Variants in EDNRB observed in about 807,000 individuals in gnomAD.
EDNRB encodes Hirschsprung disease 2.
In EDNRB, 18 loss-of-function variants were observed where a neutral mutation model predicts 46.4. The ratio of observed to expected loss-of-function variants is 0.39; its 90% CI spans 0.27 to 0.57. The LOEUF is 0.57. EDNRB is among the 20% of genes least tolerant of loss of function. The probability of loss-of-function intolerance (pLI) is 0.61; values close to 1 mark genes in which losing one functional copy is unlikely to be tolerated. For missense variants in EDNRB, 434 were observed against 537.5 expected (o/e 0.81, Z 1.90); for synonymous variants, 213 against 204.9 (o/e 1.04, Z -0.34).
rs571454286 is a variant in EDNRB, at chr13:77,948,706, G to C, written c.-52+26641C>G. Among the ~76,000 whole-genome samples, 404 of 152,266 alleles carry C rather than the reference G, an allele frequency of 2.7e-3. 4 individuals carry two copies. Among genetic ancestry groups the C allele is most frequent in the African/African-American group, 9.3e-3 (388 of 41,544 alleles). On this transcript the variant is annotated intron_variant, in intron 1 of 7. Transcript: ENST00000646948. The stretch of plus-strand genomic sequence containing the variant: ...CATGAGTTTGATATCCTTATTATAA[G>C]AATATTGATATTCTGTTTCTTTTAT...
chr13:77,968,142 T>A (rs1264578246), intron 1 of EDNRB, among the ~76,000 whole-genome samples: 2 of 152,124 alleles, frequency 1.3e-5, no homozygotes, highest in Non-Finnish European at 2.9e-5. Context: ...TAGAATTTTC[T>A]CCCATATATT....
intron 1 of EDNRB, among the ~76,000 whole-genome samples, chr13:77,948,338 T>A (rs968571316): frequency 1.3e-5 from 2 of 152,180 alleles, no homozygotes; most frequent in Non-Finnish European, 2.9e-5. Context: ...AAATCTTTGC[T>A]CTAAAAATAG....
chr13:77,917,991 G>A, intron 1 of EDNRB, 100 bp downstream of exon 1: 1 of 1,573,492 alleles, frequency 6.4e-7, no homozygotes, highest in East Asian at 2.2e-5. Context: ...ACCTTAAGAG[G>A]GAGCTAAAGG....
intron 3 of EDNRB, among the ~76,000 whole-genome samples, chr13:77,902,080 T>G (rs1879021087): frequency 6.6e-6 from 1 of 151,938 alleles, no homozygotes; most frequent in African/African-American, 2.4e-5. Context: ...TATTCCCTAA[T>G]CAAATGTTCT....
intron 1 of EDNRB, among the ~76,000 whole-genome samples, chr13:77,966,967 A>G (rs911121057): frequency 1.3e-5 from 2 of 152,170 alleles, no homozygotes; most frequent in Non-Finnish European, 2.9e-5. Context: ...TAAATAACCC[A>G]TTCACTAAAA....
At position 77,896,642 on chromosome 13, in the gene EDNRB, A is replaced by T; in HGVS notation, c.*1558T>A. On this transcript the variant is annotated 3_prime_UTR_variant, in exon 7 of 7. Coordinates refer to ENST00000646607, the MANE Select transcript of EDNRB (RefSeq NM_001122659.3). ...TTGGGCCCAATTTATTTCGAAAGTC[A>T]CTCTGAGAACATTGCACTGTGTTTT... 2 of 1,513,958 alleles carry T rather than the reference A, an allele frequency of 1.3e-6. No individual in the cohort carries two copies. Among genetic ancestry groups the T allele is most frequent in the Non-Finnish European group, 1.8e-6 (2 of 1,133,350 alleles). 93.8% of individuals were successfully genotyped at this position (1,513,958 alleles called of 1,614,324 possible). A position where few individuals can be genotyped will look rare whatever the true frequency, so the allele number is the denominator to read the frequency against.
intron 1 of EDNRB, among the ~76,000 whole-genome samples, chr13:77,936,664 G>T (rs1333316533): frequency 2.0e-5 from 3 of 152,198 alleles, no homozygotes; most frequent in East Asian, 1.9e-4. Context: ...GGAAGTGGCT[G>T]CCAGGTGAGT....
chr13:77,896,646 T>C lies in EDNRB; in HGVS notation c.*1554A>G, dbSNP rs1320988076. 7 of 1,511,078 alleles carry C rather than the reference T, an allele frequency of 4.6e-6. No homozygotes were observed. The highest frequency in any genetic ancestry group is 1.4e-5 in the African/African-American group (1 of 71,292). 93.6% of individuals were successfully genotyped at this position (1,511,078 alleles called of 1,614,324 possible). A position where few individuals can be genotyped will look rare whatever the true frequency, so the allele number is the denominator to read the frequency against. ...GCCCAATTTATTTCGAAAGTCACTC[T>C]GAGAACATTGCACTGTGTTTTGCTG... On this transcript the variant is annotated 3_prime_UTR_variant, in exon 7 of 7. Transcript: ENST00000646607.
upstream of EDNRB, chr13:77,919,628 A>G (rs994356362): frequency 2.5e-6 from 4 of 1,590,460 alleles, no homozygotes; most frequent in Non-Finnish European, 3.4e-6. Context: ...ATCCCTTCCC[A>G]TCAATCACCG....
intron 1 of EDNRB, among the ~76,000 whole-genome samples, chr13:77,934,755 A>G (rs1419401277): frequency 2.0e-5 from 3 of 151,742 alleles, no homozygotes; most frequent in Admixed American, 2.0e-4. Flanking sequence ...TTTCCTTGAG[A>G]TAGATTTCCA....
intron 1 of EDNRB, among the ~76,000 whole-genome samples, chr13:77,952,367 CT>C (rs1881116756): frequency 6.6e-6 from 1 of 152,154 alleles, no homozygotes; most frequent in African/African-American, 2.4e-5. Context: ...ATTAGGAATG[CT>C]TCTGTTCTCC....
intron 5 of EDNRB, 80 bp from the exon 6 acceptor site, chr13:77,900,047 A>G: frequency 8.1e-7 from 1 of 1,230,150 alleles, no homozygotes; most frequent in Non-Finnish European, 1.2e-6. Context: ...GTGCTTTTGT[A>G]AGGAAAAAAA....
chr13:77,927,296 G>A (rs1014489218), intron 1 of EDNRB, among the ~76,000 whole-genome samples: 1 of 152,154 alleles, frequency 6.6e-6, no homozygotes, highest in Non-Finnish European at 1.5e-5. Flanking sequence ...GCTGAGGTAG[G>A]TTGAGGGCTG....
At position 77,966,269 on chromosome 13, in the gene EDNRB, C is replaced by G. The variant is rs1271457900; in HGVS notation, c.-52+9078G>C. On this transcript the variant is annotated intron_variant, in intron 1 of 7. Coordinates refer to the EDNRB transcript ENST00000646948. ...GGTCATACACTTTTCCACAGGAATTCCTTGGCTTACTCATTTGGGTGGTGT... is the reference window on the plus strand; with the variant it reads ...GGTCATACACTTTTCCACAGGAATTGCTTGGCTTACTCATTTGGGTGGTGT... 4.6e-5 allele frequency among the ~76,000 whole-genome samples: 7 copies of G among 152,256 alleles called. No homozygotes were observed. In the South Asian group the frequency reaches 1.5e-3, roughly 32 times the overall value.
chr13:77,945,570 G>A (rs1283739003), intron 1 of EDNRB, among the ~76,000 whole-genome samples: 4 of 152,170 alleles, frequency 2.6e-5, no homozygotes, highest in African/African-American at 4.8e-5. Context: ...CTGCTTACCT[G>A]GAGCAGAAGC....
intron 1 of EDNRB, among the ~76,000 whole-genome samples, chr13:77,935,443 T>A (rs890751872): frequency 5.3e-5 from 8 of 152,158 alleles, no homozygotes; most frequent in African/African-American, 1.9e-4. Context: ...TGGGGTCAGC[T>A]AGGTTTCTTT....
At chr13:77,952,469 G>A (rs879915919) in intron 1 of EDNRB, among the ~76,000 whole-genome samples, 1 of 152,118 alleles carries the variant, frequency 6.6e-6, no homozygotes. Context: ...CTGGAGGCCA[G>A]GAATGCCTAA....
At chr13:77,962,870 A>C (rs2137686645) in intron 1 of EDNRB, among the ~76,000 whole-genome samples, 1 of 152,232 alleles carries the variant, frequency 6.6e-6, no homozygotes, top group South Asian at 2.1e-4. Context: ...TATTTAGAAA[A>C]CCCCATTGTC....
At chr13:77,957,955 TAG>T (rs1881288448) in intron 1 of EDNRB, among the ~76,000 whole-genome samples, 1 of 152,230 alleles carries the variant, frequency 6.6e-6, no homozygotes, top group African/African-American at 2.4e-5. Flanking sequence ...TGCTATATGT[TAG>T]AGTCTGTGAC....
Sources: allele counts gnomAD v4.1 joint callset (sites outside exome capture counted in the v4.1 genomes callset), GRCh38; gene constraint gnomAD v4.1.1; transcripts MANE v1.5; gene names NCBI Gene and HGNC (gene_info 2026-07-23, HGNC 2026-07-21).